The following TRAF3IP1 variants were observed in gnomAD, a reference collection of about 807,000 sequenced individuals.
The protein encoded by TRAF3IP1 is TRAF3-interacting protein 1.
In TRAF3IP1, 53 loss-of-function variants were observed where a neutral mutation model predicts 89.9. The observed-to-expected ratio is 0.59, with a 90% CI of 0.47 to 0.74. The LOEUF (loss-of-function observed/expected upper bound fraction) is 0.74. Among genes scored for constraint, TRAF3IP1 ranks in the 30% least tolerant of loss-of-function variants. TRAF3IP1 has a pLI of 0.00. For synonymous variants in TRAF3IP1, 311 were observed against 322.1 expected (o/e 0.97, Z 0.37); for missense variants, 806 against 866.1 (o/e 0.93, Z 0.87).
intron 15 of TRAF3IP1, among the ~76,000 whole-genome samples, chr2:238,369,949 T>C (rs1700037232): frequency 6.6e-6 from 1 of 152,156 alleles, no homozygotes; most frequent in South Asian, 2.1e-4. Flanking sequence ...TCAAGCTGGC[T>C]TTGTGTCCTT....
At position 238,329,174 on chromosome 2, in the gene TRAF3IP1, A is replaced by G. The variant is rs769387498; in HGVS notation, c.747A>G (p.Thr249=). The G allele has an allele frequency of 3.2e-6, 5 of 1,562,738 alleles. No individual in the cohort carries two copies. The East Asian group carries it at 6.9e-5, about 22-fold the overall frequency. ...RDRDSERKKE[T]ERKSEGGKEK... is the part of the protein sequence containing the mutation. ...GAGACTCCGAGCGCAAGAAGGAGAC[A>G]GAGAGAAAGAGTGAGGGGGGGAAAG... is the stretch of plus-strand genomic sequence containing the variant. The change falls in exon 5 of 17, where the codon ACA becomes ACG. Residue 249 remains threonine (T), a synonymous_variant. Transcript: ENST00000373327.
intron 7 of TRAF3IP1, among the ~76,000 whole-genome samples, 166 bp from the exon 8 acceptor site, chr2:238,338,196 A>G (rs1698474798): frequency 6.6e-6 from 1 of 152,194 alleles, no homozygotes; most frequent in South Asian, 2.1e-4. Context: ...CTTCTTGTCA[A>G]GCTCTAAGGA....
intron 15 of TRAF3IP1, among the ~76,000 whole-genome samples, chr2:238,391,222 G>A (rs373758953): frequency 2.6e-5 from 4 of 152,262 alleles, no homozygotes; most frequent in East Asian, 3.9e-4. Context: ...CTCCCAAATT[G>A]CTGGGATTAC....
chr2:238,384,380 G>GTATGTATGTA (rs1553619335), intron 15 of TRAF3IP1, among the ~76,000 whole-genome samples: 3,968 of 143,058 alleles, frequency 0.028, 53 homozygotes, highest in Middle Eastern at 0.036. Flanking sequence ...ATGTATGTAT[G>GTATGTATGTA]TATATATATA....
chr2:238,344,489 T>A lies in TRAF3IP1; in HGVS notation c.1160-8T>A, dbSNP rs772846963. 3.1e-6 allele frequency: 5 copies of A among 1,612,378 alleles called. No individual in the cohort carries two copies. In the East Asian group the frequency reaches 1.1e-4, roughly 36 times the overall value. On this transcript the variant is annotated splice_region_variant and splice_polypyrimidine_tract_variant and intron_variant, in intron 8 of 16. Coordinates refer to ENST00000373327, the MANE Select transcript of TRAF3IP1 (RefSeq NM_015650.4). ...CTTAATGACTAATTTTAAACTGTTTTATGTCAGGAACAAAAGAAGCTAATA... is the reference window on the plus strand; with the variant it reads ...CTTAATGACTAATTTTAAACTGTTTAATGTCAGGAACAAAAGAAGCTAATA...
At chr2:238,393,919 G>A (rs1701102246) in intron 15 of TRAF3IP1, among the ~76,000 whole-genome samples, 1 of 152,176 alleles carries the variant, frequency 6.6e-6, no homozygotes, top group Non-Finnish European at 1.5e-5. Context: ...AAGACTTGAA[G>A]CCTACGCGGT....
At chr2:238,323,862 C>T (rs563715649) in intron 1 of TRAF3IP1, among the ~76,000 whole-genome samples, 83 of 152,138 alleles carry the variant, frequency 5.5e-4, no homozygotes, top group African/African-American at 2.0e-3. Flanking sequence ...TTGAGAGGAA[C>T]AGGAAAAATA....
intron 11 of TRAF3IP1, 93 bp from the exon 12 acceptor site, chr2:238,349,232 A>G (rs1699035394): frequency 1.7e-6 from 2 of 1,185,508 alleles, no homozygotes; most frequent in African/African-American, 3.0e-5. Context: ...TGGCTTGGAG[A>G]TGAGAGTTAA....
chr2:238,383,918 T>A (rs1489835722), intron 15 of TRAF3IP1, among the ~76,000 whole-genome samples: 1 of 152,250 alleles, frequency 6.6e-6, no homozygotes, highest in Non-Finnish European at 1.5e-5. Context: ...CTTAAGTCTG[T>A]CATCTTGCTC....
chr2:238,353,993 C>A (rs934561262), intron 14 of TRAF3IP1, among the ~76,000 whole-genome samples: 4 of 152,162 alleles, frequency 2.6e-5, no homozygotes, highest in Non-Finnish European at 4.4e-5. Flanking sequence ...AGGCTGGTCT[C>A]CAATTTCTAA....
rs1336840605 is a variant in TRAF3IP1 at position 238,345,825 on chromosome 2, T to C, written c.1261+1227T>C. On this transcript the variant is annotated intron_variant, in intron 9 of 16. Coordinates refer to ENST00000373327, the MANE Select transcript of TRAF3IP1 (RefSeq NM_015650.4). The surrounding 1 kb of genome is among the most constrained non-coding windows in gnomAD (Gnocchi z 4.7). ...GGGACTGGGTCACCTAGGACGAGAT[T>C]GTGAGTGCAGGAGCTGGCAGAGCAC... is the stretch of plus-strand genomic sequence containing the variant. Among the ~76,000 whole-genome samples, 1 of 151,978 alleles carries C rather than the reference T, an allele frequency of 6.6e-6. No individual in the cohort carries two copies. Among genetic ancestry groups the C allele is most frequent in the Non-Finnish European group, 1.5e-5 (1 of 67,984 alleles).
intron 15 of TRAF3IP1, among the ~76,000 whole-genome samples, chr2:238,371,913 G>A (rs1400865278): frequency 6.6e-6 from 1 of 152,012 alleles, no homozygotes; most frequent in Admixed American, 6.5e-5. Flanking sequence ...GGGCAGCATT[G>A]GTATAGGTGA....
At position 238,325,209 on chromosome 2, in the gene TRAF3IP1, T is replaced by G. The variant is rs1205622929; in HGVS notation, c.124-97T>G. 25 of 1,192,516 alleles carry G rather than the reference T, an allele frequency of 2.1e-5. No individual in the cohort carries two copies. The Admixed American group carries it at 4.3e-4, about 21-fold the overall frequency. The allele number at this position is 1,192,516 out of a possible 1,614,324, so 73.9% of individuals were successfully genotyped here. A position where few individuals can be genotyped will look rare whatever the true frequency, so the allele number is the denominator to read the frequency against. On this transcript the variant is annotated intron_variant, in intron 1 of 16. Transcript: ENST00000373327. ...GGATGATTCAAATCTGGGCTGCTAG[T>G]CAATTCTGACATCTCCCAAGTGTGG...
chr2:238,381,910 G>T (rs892867637), intron 15 of TRAF3IP1, among the ~76,000 whole-genome samples: 1 of 152,208 alleles, frequency 6.6e-6, no homozygotes, highest in Non-Finnish European at 1.5e-5. Flanking sequence ...GAAAGGGGCT[G>T]GCGGGTAGGA....
At chr2:238,335,748 C>G (rs1032225497) in intron 7 of TRAF3IP1, among the ~76,000 whole-genome samples, 9 of 149,018 alleles carry the variant, frequency 6.0e-5, no homozygotes, top group African/African-American at 2.2e-4. Flanking sequence ...TGGTTGCTCG[C>G]TGGTTTATTT....
In TRAF3IP1 at chr2:238,387,212, A is replaced by G. The variant is rs1322937247; in HGVS notation, c.1690-10247A>G. ...GCCCCGGTCTGGGCAGTTAGCCCTC[A>G]TCCTGTCCAGCTTCTCATACATCCA... On this transcript the variant is annotated intron_variant, in intron 15 of 16. Coordinates refer to ENST00000373327, the MANE Select transcript of TRAF3IP1 (RefSeq NM_015650.4). 3.9e-5 allele frequency among the ~76,000 whole-genome samples: 6 copies of G among 152,216 alleles called. No homozygotes were observed. The East Asian group carries it at 1.2e-3, about 29-fold the overall frequency.
intron 8 of TRAF3IP1, among the ~76,000 whole-genome samples, chr2:238,340,179 A>G (rs968397206): frequency 2.6e-5 from 4 of 152,084 alleles, no homozygotes; most frequent in Admixed American, 2.0e-4. Flanking sequence ...CACAGCGCGG[A>G]CCTGGGGTCT....
At chr2:238,323,164 C>T (rs892610671) in intron 1 of TRAF3IP1, among the ~76,000 whole-genome samples, 7 of 151,606 alleles carry the variant, frequency 4.6e-5, no homozygotes, top group East Asian at 1.9e-4. Flanking sequence ...CTGCAACTTA[C>T]GCCTCCCAGG....
intron 3 of TRAF3IP1, 34 bp from the exon 4 acceptor site, chr2:238,328,652 C>T: frequency 6.2e-7 from 1 of 1,603,024 alleles, no homozygotes; most frequent in South Asian, 1.1e-5. Context: ...CTCATTTCAC[C>T]TAACACCTCA....
Sources: gnomAD v4.1 joint callset for allele counts (sites outside exome capture counted in the v4.1 genomes callset) on GRCh38, gnomAD v4.1.1 for gene constraint, Gnocchi (gnomAD v3.1) non-coding constraint, MANE v1.5 for transcripts, NCBI Gene and HGNC (gene_info 2026-07-23, HGNC 2026-07-21) for gene names.